IGF2BP2: variants seen among roughly 807,000 people sequenced by gnomAD.
IGF2BP2 encodes insulin-like growth factor 2 mRNA-binding protein 2.
Under a neutral mutation model 75.8 loss-of-function variants are expected in IGF2BP2, and 17 were observed. The observed-to-expected ratio is 0.22, with a 90% confidence interval of 0.15 to 0.34. The LOEUF is 0.34. Ranked by LOEUF, IGF2BP2 falls within the 10% of genes least tolerant of loss-of-function variation. The probability of loss-of-function intolerance (pLI) is 1.00; values close to 1 mark genes in which losing one functional copy is unlikely to be tolerated. For synonymous variants in IGF2BP2, 288 were observed against 295.6 expected, an observed-to-expected ratio of 0.97 and a Z score of 0.26; for missense variants, 516 against 772.4, an observed-to-expected ratio of 0.67 and a Z score of 3.93.
At chr3:185,716,555 G>A (rs1725656011) in intron 2 of IGF2BP2, 1 of 520,032 alleles carries the variant, frequency 1.9e-6, no homozygotes, top group Non-Finnish European at 3.8e-6. Flanking sequence ...TGCCAAGACT[G>A]CTGGGCTGGC....
intron 1 of IGF2BP2, among the ~76,000 whole-genome samples, chr3:185,824,301 G>A (rs1008675621): frequency 1.3e-5 from 2 of 151,700 alleles, no homozygotes; most frequent in African/African-American, 4.8e-5. Flanking sequence ...ACGCCAGAGG[G>A]CGAGAGGTTC....
chr3:185,817,615 C>G (rs924742106), intron 2 of IGF2BP2, among the ~76,000 whole-genome samples: 3 of 152,002 alleles, frequency 2.0e-5, no homozygotes, highest in African/African-American at 7.3e-5. Flanking sequence ...AGAGTCCATG[C>G]CACCAAATGA....
intron 2 of IGF2BP2, among the ~76,000 whole-genome samples, chr3:185,774,303 A>G (rs1734250563): frequency 6.6e-6 from 1 of 152,138 alleles, no homozygotes; most frequent in South Asian, 2.1e-4. Flanking sequence ...CGGACTAAGA[A>G]AGTAAAAACA....
chr3:185,738,752 C>A (rs1729165335), intron 2 of IGF2BP2, among the ~76,000 whole-genome samples: 1 of 152,184 alleles, frequency 6.6e-6, no homozygotes, highest in African/African-American at 2.4e-5. Flanking sequence ...ACAAAGGGCA[C>A]AAGATCACTG....
rs184472938 is a variant in IGF2BP2, at chr3:185,651,118, C to T, written c.1461+976G>A. Among the ~76,000 whole-genome samples the T allele has an allele frequency of 1.4e-4, 22 of 152,212 alleles. No homozygotes were observed. The East Asian group carries it at 3.9e-3, about 27-fold the overall frequency. On this transcript the variant is annotated intron_variant, in intron 13 of 15. Coordinates refer to ENST00000382199, the MANE Select transcript of IGF2BP2 (RefSeq NM_006548.6). The stretch of plus-strand genomic sequence containing the variant: ...AGAGATGGGGGTCTCACTGTGTTGC[C>T]CAGGCTGGTCTCAAACTCCTGGGCT...
At chr3:185,820,233 CAT>C (rs1282346742) in intron 2 of IGF2BP2, among the ~76,000 whole-genome samples, 19 of 55,246 alleles carry the variant, frequency 3.4e-4, no homozygotes, top group African/African-American at 1.5e-3. Context: ...TATATATACA[CAT>C]ACACACACAC....
At chr3:185,815,556 G>A (rs1578402756) in intron 2 of IGF2BP2, among the ~76,000 whole-genome samples, 1 of 152,110 alleles carries the variant, frequency 6.6e-6, no homozygotes, top group African/African-American at 2.4e-5. Context: ...CTGTGGGGAG[G>A]ATAAAACAGG....
rs1042642689 is a variant in IGF2BP2, at chr3:185,643,521, A to C, written c.*2010T>G. On this transcript the variant is annotated 3_prime_UTR_variant, in exon 16 of 16. Transcript: ENST00000382199. ...ATCTACATTTCTAACAAGTTCCCAG[A>C]TGATAGCTGATGCTGCTGGTCTGGG... 6.6e-6 allele frequency among the ~76,000 whole-genome samples: 1 copy of C among 152,206 alleles called. No homozygotes were observed. Among genetic ancestry groups the C allele is most frequent in the African/African-American group, 2.4e-5 (1 of 41,448 alleles).
chr3:185,748,125 C>T (rs1000109006), intron 2 of IGF2BP2, among the ~76,000 whole-genome samples: 1 of 152,034 alleles, frequency 6.6e-6, no homozygotes, highest in Non-Finnish European at 1.5e-5. Flanking sequence ...AGGATGGTCT[C>T]GATCTCCTGA....
chr3:185,705,083 C>G (rs1207503850), intron 2 of IGF2BP2, among the ~76,000 whole-genome samples: 1 of 152,174 alleles, frequency 6.6e-6, no homozygotes, highest in Non-Finnish European at 1.5e-5. Context: ...AAATTAAATA[C>G]TGTGGTGACC....
chr3:185,697,241 G>A (rs1257691706), intron 3 of IGF2BP2, among the ~76,000 whole-genome samples: 1 of 152,118 alleles, frequency 6.6e-6, no homozygotes, highest in African/African-American at 2.4e-5. Context: ...GAGTAGCTGG[G>A]ACTACAGATG....
intron 2 of IGF2BP2, among the ~76,000 whole-genome samples, chr3:185,817,505 G>C (rs955570757): frequency 6.6e-6 from 1 of 152,080 alleles, no homozygotes; most frequent in African/African-American, 2.4e-5. Context: ...CTATTTTATG[G>C]AGAGACCAGA....
chr3:185,745,950 T>C (rs766726537), intron 2 of IGF2BP2, among the ~76,000 whole-genome samples: 10 of 152,046 alleles, frequency 6.6e-5, no homozygotes, highest in South Asian at 2.1e-4. Context: ...GGCAAGGTCA[T>C]GTCCACTTTT....
At chr3:185,663,344 C>T (rs1398680906) in intron 10 of IGF2BP2, among the ~76,000 whole-genome samples, 1 of 152,186 alleles carries the variant, frequency 6.6e-6, no homozygotes, top group Non-Finnish European at 1.5e-5. Flanking sequence ...CCCTCACCTC[C>T]CACCCACTAA....
chr3:185,662,043 C>T (rs1356197738), intron 10 of IGF2BP2, among the ~76,000 whole-genome samples: 1 of 151,964 alleles, frequency 6.6e-6, no homozygotes, highest in Non-Finnish European at 1.5e-5. Context: ...GGAGGCAGCA[C>T]CAGTGGGCTA....
At chr3:185,677,052 T>TAGAGAG in intron 7 of IGF2BP2, among the ~76,000 whole-genome samples, 1 of 52,316 alleles carries the variant, frequency 1.9e-5, no homozygotes, top group African/African-American at 8.7e-5. Flanking sequence ...GAGATATATA[T>TAGAGAG]ATATATATAT....
intron 2 of IGF2BP2, among the ~76,000 whole-genome samples, chr3:185,737,527 A>G (rs1311395399): frequency 6.6e-6 from 1 of 152,260 alleles, no homozygotes; most frequent in African/African-American, 2.4e-5. Flanking sequence ...ATGTGCACAA[A>G]GAATGTGTGC....
At chr3:185,714,667 G>T (rs1725327800) in intron 2 of IGF2BP2, among the ~76,000 whole-genome samples, 1 of 152,172 alleles carries the variant, frequency 6.6e-6, no homozygotes, top group Non-Finnish European at 1.5e-5. Context: ...AGAACCTATG[G>T]TTAGGTGCAG....
chr3:185,708,487 TTAAA>T (rs1724362548), intron 2 of IGF2BP2, among the ~76,000 whole-genome samples: 1 of 152,158 alleles, frequency 6.6e-6, no homozygotes, highest in Admixed American at 6.5e-5. Context: ...AAGGATTTAC[TTAAA>T]TATAAATGCC....
Sources: gnomAD v4.1 joint callset for allele counts (sites outside exome capture counted in the v4.1 genomes callset) on GRCh38, gnomAD v4.1.1 for gene constraint, MANE v1.5 for transcripts, NCBI Gene and HGNC (gene_info 2026-07-23, HGNC 2026-07-21) for gene names.